KMT2C: variants seen among roughly 807,000 people sequenced by gnomAD.
The protein encoded by KMT2C is histone-lysine N-methyltransferase 2C.
KMT2C carries 88 observed loss-of-function variants against 507.9 expected under a neutral mutation model. The ratio of observed to expected loss-of-function variants is 0.17; its 90% CI spans 0.15 to 0.21. KMT2C has a LOEUF of 0.21. Ranked by LOEUF, KMT2C falls within the 10% of genes least tolerant of loss-of-function variation. The pLI is 1.00. For missense variants in KMT2C, 4,954 were observed against 5,957.8 expected (o/e 0.83, Z 5.55); for synonymous variants, 2,049 against 2,080.8 (o/e 0.98, Z 0.42).
chr7:152,243,183 T>C (rs2095415343), intron 14 of KMT2C, among the ~76,000 whole-genome samples: 1 of 152,222 alleles, frequency 6.6e-6, no homozygotes, highest in South Asian at 2.1e-4. Flanking sequence ...CAGAAACAGC[T>C]ATTATCAGCT....
chr7:152,240,809 T>A (rs964740951), intron 14 of KMT2C, among the ~76,000 whole-genome samples: 5 of 152,172 alleles, frequency 3.3e-5, no homozygotes, highest in African/African-American at 1.2e-4. Flanking sequence ...TTCTTGTCAC[T>A]TCCACCACTA....
intron 5 of KMT2C, among the ~76,000 whole-genome samples, chr7:152,311,025 T>C (rs2096666860): frequency 6.6e-6 from 1 of 152,154 alleles, no homozygotes. Context: ...GTTATTATGA[T>C]GCACACACAA....
At chr7:152,315,598 GAA>G (rs1490759675) in intron 3 of KMT2C, among the ~76,000 whole-genome samples, 18 of 152,140 alleles carry the variant, frequency 1.2e-4, no homozygotes, top group East Asian at 3.8e-4. Context: ...TTAGCAGTTA[GAA>G]AAGTTATTTT....
chr7:152,232,876 AAT>A (rs1233563193), intron 16 of KMT2C, among the ~76,000 whole-genome samples: 1 of 152,200 alleles, frequency 6.6e-6, no homozygotes, highest in Non-Finnish European at 1.5e-5. Context: ...AAATGGCTAA[AAT>A]AGAGATAAAG....
intron 14 of KMT2C, among the ~76,000 whole-genome samples, chr7:152,239,624 A>G (rs1467282589): frequency 6.6e-6 from 1 of 152,236 alleles, no homozygotes; most frequent in Non-Finnish European, 1.5e-5. Flanking sequence ...TTTTACTTCC[A>G]AACAACCACA....
chr7:152,177,438 G>C lies in KMT2C; in HGVS notation c.8015C>G (p.Ser2672Cys), dbSNP rs1364349297. The change falls in exon 38 of 59, where the codon TCT (serine) becomes TGT (cysteine). Residue 2672 changes from serine (S) to cysteine (C), a missense_variant. Coordinates refer to ENST00000262189, the MANE Select transcript of KMT2C (RefSeq NM_170606.3). ...CTGGGTGGTTATCTGTAAATTATCA[G>C]ACGTTGTTTCAGACGGTACAGATGT... ...LSTSVPSETT[S>C]DNLQITTQPS... The C allele has an allele frequency of 6.2e-7, 1 of 1,614,138 alleles. No homozygotes were observed. Among genetic ancestry groups the C allele is most frequent in the East Asian group, 2.2e-5 (1 of 44,882 alleles).
At chr7:152,196,929 C>A (rs1297007714) in intron 27 of KMT2C, among the ~76,000 whole-genome samples, 1 of 152,062 alleles carries the variant, frequency 6.6e-6, no homozygotes, top group African/African-American at 2.4e-5. Flanking sequence ...AAAAAAGAGG[C>A]AGCTAGGGCA....
rs1211532796 is a variant in KMT2C, at chr7:152,163,689, T to G, written c.9888A>C (p.Pro3296=). The part of the protein sequence containing the change: ...PQPPLIPGAT[P]PTMSQPTFPM... The stretch of plus-strand genomic sequence containing the variant: ...GAAAGGTGGGTTGGCTCATGGTGGG[T>G]GGAGTGGCACCTGGAATTAGGGGTG... The change falls in exon 43 of 59, where the codon CCA becomes CCC. Residue 3296 remains proline (P), a synonymous_variant. Coordinates refer to ENST00000262189, the MANE Select transcript of KMT2C (RefSeq NM_170606.3). The G allele has an allele frequency of 6.2e-7, 1 of 1,613,892 alleles. No homozygotes were observed. The highest frequency in any genetic ancestry group is 1.7e-5 in the Admixed American group (1 of 59,990).
Position 152,182,367 on chromosome 7 carries a change from T to A in KMT2C, c.5493A>T (p.Thr1831=). The change falls in exon 36 of 59, where the codon ACA becomes ACT. Residue 1831 remains threonine, a synonymous_variant. Transcript: ENST00000262189. ...ACGTAGGGGTACTGGGTGGCTGTTT[T>A]GTAAACAGTTCTTTATGGAATGACT... The part of the protein sequence containing the change: ...PAQSFHKELF[T]KQPPSTPTST... 1 of 1,613,452 alleles carries A rather than the reference T, an allele frequency of 6.2e-7. No individual in the cohort carries two copies. The highest frequency in any genetic ancestry group is 8.5e-7 in the Non-Finnish European group (1 of 1,179,666).
chr7:152,207,727 G>A (rs1265021998), intron 23 of KMT2C, among the ~76,000 whole-genome samples: 1 of 152,116 alleles, frequency 6.6e-6, no homozygotes, highest in East Asian at 1.9e-4. Context: ...TATGTCTTCA[G>A]GTCCAGGTCT....
Position 152,194,464 on chromosome 7 carries a change from C to A in KMT2C, c.4483G>T (p.Glu1495Ter), listed in dbSNP as rs2129129614. The part of the protein sequence containing the change: ...EEQLDGILSP[E>*]LDKMVTDGAI... ...CCATCTGTGACCATTTTGTCTAGTT[C>A]AGGACTGAGGATCCCATCTAGCTGT... The change falls in exon 29 of 59, where the codon GAA becomes TAA. Residue 1495 changes from glutamate to a stop codon, truncating the protein, a stop_gained. Coordinates refer to ENST00000262189, the MANE Select transcript of KMT2C (RefSeq NM_170606.3). LOFTEE classifies it high-confidence loss of function. 1 of 1,613,478 alleles carries A rather than the reference C, an allele frequency of 6.2e-7. No homozygotes were observed. Among genetic ancestry groups the A allele is most frequent in the South Asian group, 1.1e-5 (1 of 90,994 alleles).
chr7:152,424,182 T>C (rs1034908896), intron 1 of KMT2C, among the ~76,000 whole-genome samples: 2 of 152,118 alleles, frequency 1.3e-5, no homozygotes, highest in Admixed American at 6.6e-5. Flanking sequence ...TGCAGGATCA[T>C]AGCTCACTGC....
chr7:152,176,162 T>C (rs766404113), intron 38 of KMT2C, 29 bp downstream of exon 38: 56 of 1,551,144 alleles, frequency 3.6e-5, no homozygotes, highest in Middle Eastern at 3.5e-4. Context: ...CCCATAGTAA[T>C]ATACGTTGAG....
At chr7:152,427,538 A>G (rs1434580057) in intron 1 of KMT2C, among the ~76,000 whole-genome samples, 1 of 152,170 alleles carries the variant, frequency 6.6e-6, no homozygotes, top group Non-Finnish European at 1.5e-5. Context: ...ACTGCATGGT[A>G]GTCCATTGAT....
chr7:152,323,650 A>G (rs35066994), intron 3 of KMT2C, among the ~76,000 whole-genome samples: 6,004 of 149,780 alleles, frequency 0.04, 212 homozygotes, highest in South Asian at 0.087. Context: ...GAAAAAAAAA[A>G]AGAGAGAGAA....
intron 23 of KMT2C, among the ~76,000 whole-genome samples, chr7:152,218,707 A>G (rs1444148975): frequency 1.3e-5 from 2 of 152,082 alleles, no homozygotes; most frequent in East Asian, 3.9e-4. Flanking sequence ...TGTGAGATAT[A>G]CTGAGCCGTC....
Position 152,280,496 on chromosome 7 carries a change from A to AGCC in KMT2C, c.850-6632_850-6630dup, listed in dbSNP as rs533171580. On this transcript the variant is annotated intron_variant, in intron 6 of 58. Transcript: ENST00000262189. ...AACCCGGGAGGCAGAGGTTGCAGTGAGCCGAGACTGCACCACTGCACTCCA... is the reference window on the plus strand; with the variant it reads ...AACCCGGGAGGCAGAGGTTGCAGTGAGCCGCCGAGACTGCACCACTGCACTCCA... 4.7e-4 allele frequency among the ~76,000 whole-genome samples: 66 copies of AGCC among 141,886 alleles called. 1 individual carries two copies. The highest frequency in any genetic ancestry group is 2.1e-3 in the Admixed American group (29 of 14,094). The allele number at this position is 141,886 out of a possible 152,430, so 93.1% of individuals were successfully genotyped here. A position where few individuals can be genotyped will look rare whatever the true frequency, so the allele number is the denominator to read the frequency against.
At chr7:152,234,156 G>A (rs1336724166) in intron 16 of KMT2C, among the ~76,000 whole-genome samples, 3 of 149,926 alleles carry the variant, frequency 2.0e-5, no homozygotes, top group South Asian at 2.1e-4. Context: ...GGGAGGCCGA[G>A]GCAGGTGGAT....
intron 1 of KMT2C, chr7:152,402,744 C>T: frequency 6.4e-6 from 1 of 156,798 alleles, no homozygotes; most frequent in Non-Finnish European, 1.4e-5. Context: ...ATAATCCCAT[C>T]AAAAAGTAAG....
Sources: gnomAD v4.1 joint callset for allele counts (sites outside exome capture counted in the v4.1 genomes callset) on GRCh38, gnomAD v4.1.1 for gene constraint, MANE v1.5 for transcripts, NCBI Gene and HGNC (gene_info 2026-07-23, HGNC 2026-07-21) for gene names.